Variants in GPRIN2 observed in about 807,000 individuals in gnomAD.
The protein encoded by GPRIN2 is G protein regulated inducer of neurite outgrowth 2.
A neutral mutation model predicts 0.3 loss-of-function variants in GPRIN2; 1 was observed. That is an observed-to-expected ratio of 3.90 (90% CI 1.39 to 18.51). GPRIN2 has a LOEUF of 18.51. Among genes scored for constraint, GPRIN2 ranks in the 30% most tolerant of loss-of-function variants. The pLI is 0.11. For synonymous variants in GPRIN2, 361 were observed against 258.6 expected, an observed-to-expected ratio of 1.40 and a Z score of -3.80; for missense variants, 880 against 604.2, an observed-to-expected ratio of 1.46 and a Z score of -4.79.
intron 2 of GPRIN2, among the ~76,000 whole-genome samples, 192 bp from the exon 3 acceptor site, chr10:46,550,934 A>C (rs1345683908): frequency 2.0e-5 from 3 of 152,312 alleles, no homozygotes; most frequent in Non-Finnish European, 4.4e-5. Context: ...GTCATCTCAC[A>C]TTAGACACAA....
chr10:46,557,209 T>C (rs1843347485), upstream of GPRIN2, among the ~76,000 whole-genome samples: 1 of 152,272 alleles, frequency 6.6e-6, no homozygotes, highest in Non-Finnish European at 1.5e-5. Context: ...CCAGGCCTGG[T>C]CTCCACTAGC....
rs1832969892 is a variant in GPRIN2 at position 46,544,864 on chromosome 10, G to A, written c.*4496C>T. On this transcript the variant is annotated 3_prime_UTR_variant, in exon 3 of 3. Coordinates refer to ENST00000374314, the MANE Select transcript of GPRIN2 (RefSeq NM_001385282.1). The stretch of plus-strand genomic sequence containing the variant: ...TTAAACTAATTTGCCCATGATGACC[G>A]TGTGGATTTGGAGGGACCTGGGAAT... Among the ~76,000 whole-genome samples the A allele has an allele frequency of 3.3e-5, 5 of 152,422 alleles. No individual in the cohort carries two copies. The highest frequency in any genetic ancestry group is 2.1e-4 in the South Asian group (1 of 4,834).
At chr10:46,552,562 C>A (rs900045751) in intron 2 of GPRIN2, among the ~76,000 whole-genome samples, 2 of 152,302 alleles carry the variant, frequency 1.3e-5, no homozygotes, top group African/African-American at 4.8e-5. Flanking sequence ...GGCTGCTGAG[C>A]CACAGTGAGG....
chr10:46,555,210 G>A (rs1322398725), intron 1 of GPRIN2, among the ~76,000 whole-genome samples: 3 of 152,422 alleles, frequency 2.0e-5, no homozygotes, highest in Middle Eastern at 3.4e-3. Context: ...GCCTCCCAAA[G>A]TGCTGGGATT....
At chr10:46,551,593 G>A (rs1832179220) in intron 2 of GPRIN2, 1 of 786,404 alleles carries the variant, frequency 1.3e-6, no homozygotes, top group Non-Finnish European at 1.5e-6. Flanking sequence ...CGGTGCAGCA[G>A]TGAGATAAGA....
At chr10:46,556,224 G>A (rs1472245196) in intron 1 of GPRIN2, among the ~76,000 whole-genome samples, 1 of 152,312 alleles carries the variant, frequency 6.6e-6, no homozygotes. Flanking sequence ...GGCAGCAGGG[G>A]TGGAGGCCGA....
In GPRIN2 at chr10:46,549,907, T is replaced by A. The variant is rs1832554145; in HGVS notation, c.830A>T (p.Lys277Met). 1.9e-6 allele frequency: 3 copies of A among 1,614,278 alleles called. No individual in the cohort carries two copies. The highest frequency in any genetic ancestry group is 1.7e-6 in the Non-Finnish European group (2 of 1,180,058). ...ESGLQAQHGVKIHCRLSGGLP... is the reference protein window; with the variant it reads ...ESGLQAQHGVMIHCRLSGGLP... ...CCCCCCAGACAACCTACAGTGGATC[T>A]TCACCCCATGCTGAGCCTGCAGCCC... Residue 277 changes from lysine to methionine, a missense_variant, in exon 3 of 3, where the codon AAG becomes ATG. Physicochemically the swap from Lys to Met is moderately conservative, Grantham distance 95. Coordinates refer to ENST00000374314, the MANE Select transcript of GPRIN2 (RefSeq NM_001385282.1).
intron 2 of GPRIN2, among the ~76,000 whole-genome samples, chr10:46,552,248 G>A (rs922628489): frequency 1.5e-4 from 23 of 152,402 alleles, no homozygotes; most frequent in Non-Finnish European, 4.4e-5. Flanking sequence ...TATGAGGGGA[G>A]CAGTGGGGTC....
rs1181121534 is a variant in GPRIN2 at position 46,541,844 on chromosome 10, ACTTC to A, written c.*7512_*7515del. Among the ~76,000 whole-genome samples the A allele has an allele frequency of 1.6e-4, 24 of 152,390 alleles. No individual in the cohort carries two copies. Among genetic ancestry groups the A allele is most frequent in the African/African-American group, 5.8e-4 (24 of 41,576 alleles). Reference sequence around the variant, plus strand: ...AAAAATTTCAATAAAGCAGCATCCGACTTCCTGCCCAGCTGTCCTACGGTATCCC... The same window carrying A: ...AAAAATTTCAATAAAGCAGCATCCGACTGCCCAGCTGTCCTACGGTATCCC... On this transcript the variant is annotated 3_prime_UTR_variant, in exon 3 of 3. Coordinates refer to ENST00000374314, the MANE Select transcript of GPRIN2 (RefSeq NM_001385282.1).
intron 2 of GPRIN2, among the ~76,000 whole-genome samples, chr10:46,553,891 G>C (rs1219932730): frequency 6.6e-6 from 1 of 152,306 alleles, no homozygotes; most frequent in Admixed American, 6.5e-5. Context: ...CTGGGGGAAA[G>C]AGGCTTCCAC....
intron 2 of GPRIN2, chr10:46,551,444 C>T (rs1842598787): frequency 1.0e-6 from 1 of 985,420 alleles, no homozygotes; most frequent in African/African-American, 1.7e-5. Flanking sequence ...GGAGAGGCCC[C>T]ATGCATCAGC....
rs1190206711 is a variant in GPRIN2, at chr10:46,549,285, G to A, written c.*75C>T. 33 of 1,436,104 alleles carry A rather than the reference G, an allele frequency of 2.3e-5. No individual in the cohort carries two copies. The highest frequency in any genetic ancestry group is 1.8e-4 in the South Asian group (12 of 65,688). 89.0% of individuals were successfully genotyped at this position (1,436,104 alleles called of 1,614,324 possible). Reference sequence around the variant, plus strand: ...AGCTGCCGGTGGGTCCAGGGGGCACGGAGCCCCCACCGTCCCTGGCCCAGG... The same window carrying A: ...AGCTGCCGGTGGGTCCAGGGGGCACAGAGCCCCCACCGTCCCTGGCCCAGG... On this transcript the variant is annotated 3_prime_UTR_variant, in exon 3 of 3. Transcript: ENST00000374314.
rs1832186305 is a variant in GPRIN2 at position 46,551,511 on chromosome 10, G to C, written c.-6-769C>G. ...TCATTGATTCCACAGCATCTCCTGA[G>C]CCCCTACTGCGTGCCCAGCTGTAGG... On this transcript the variant is annotated intron_variant, in intron 2 of 2. Coordinates refer to ENST00000374314, the MANE Select transcript of GPRIN2 (RefSeq NM_001385282.1). 99 of 985,314 alleles carry C rather than the reference G, an allele frequency of 1.0e-4. No homozygotes were observed. The African/African-American group carries it at 1.6e-3, about 16-fold the overall frequency. 61.0% of individuals were successfully genotyped at this position (985,314 alleles called of 1,614,324 possible). A position where few individuals can be genotyped will look rare whatever the true frequency, so the allele number is the denominator to read the frequency against.
At position 46,545,209 on chromosome 10, in the gene GPRIN2, C is replaced by G. The variant is rs1842050165; in HGVS notation, c.*4151G>C. Among the ~76,000 whole-genome samples, 1 of 152,308 alleles carries G rather than the reference C, an allele frequency of 6.6e-6. No individual in the cohort carries two copies. The highest frequency in any genetic ancestry group is 2.4e-5 in the African/African-American group (1 of 41,486). ...GGTGCACCCCCAGATGCCTGTGACT[C>G]CCTCTGGTGGTTTCTGTGCACAACT... On this transcript the variant is annotated 3_prime_UTR_variant, in exon 3 of 3. Transcript: ENST00000374314.
chr10:46,549,718 GC>G lies in GPRIN2; in HGVS notation c.1018del (p.Ala340ProfsTer27). 2 of 1,614,032 alleles carry G rather than the reference GC, an allele frequency of 1.2e-6. No homozygotes were observed. The highest frequency in any genetic ancestry group is 1.7e-6 in the Non-Finnish European group (2 of 1,179,942). On this transcript the variant is annotated frameshift_variant, in exon 3 of 3. Coordinates refer to ENST00000374314, the MANE Select transcript of GPRIN2 (RefSeq NM_001385282.1). LOFTEE classifies it low-confidence loss of function (END_TRUNC). ...LSAQDAGVQAAPVAACKAVAT... is the reference protein window; with the variant it reads ...LSAQDAGVQAXPVAACKAVAT... ...CACAGCCTTGCAGGCCGCCACTGGG[GC>G]CGCCTGCACACCAGCATCCTGGGCT...
chr10:46,553,882 T>C (rs995320625), intron 2 of GPRIN2, among the ~76,000 whole-genome samples: 1 of 152,306 alleles, frequency 6.6e-6, no homozygotes, highest in East Asian at 1.9e-4. Context: ...AGGGGAGTAC[T>C]GGGGGAAAGA....
Position 46,550,397 on chromosome 10 carries a change from C to T in GPRIN2, c.340G>A (p.Ala114Thr), listed in dbSNP as rs1832384814. The change falls in exon 3 of 3, where the codon GCT (alanine) becomes ACT (threonine). Residue 114 changes from alanine (A) to threonine (T), a missense_variant. Ala to Thr is a moderately conservative substitution (Grantham distance 58, BLOSUM62 0). Transcript: ENST00000374314. ...GAATGGCTCCTCTGCATAGCAGCAG[C>T]ACTAGGGGCCCGCAGGCGACACAGG... ...SDLCRLRAPS[A>T]AAMQRSHSDL... 8 of 1,611,862 alleles carry T rather than the reference C, an allele frequency of 5.0e-6. No homozygotes were observed. The African/African-American group carries it at 9.3e-5, about 19-fold the overall frequency.
At position 46,550,684 on chromosome 10, in the gene GPRIN2, AGGCGGG is replaced by A; in HGVS notation, c.47_52del (p.Pro16_Arg17del). ...GGAAGAGCTCTGGGACAGGGGCTGA[AGGCGGG>A]GGCTCAGGGGTGCCCAGGGACCCGG... On this transcript the variant is annotated inframe_deletion, in exon 3 of 3. Coordinates refer to ENST00000374314, the MANE Select transcript of GPRIN2 (RefSeq NM_001385282.1). 6.6e-7 allele frequency: 1 copy of A among 1,516,100 alleles called. No homozygotes were observed. Among genetic ancestry groups the A allele is most frequent in the Non-Finnish European group, 8.8e-7 (1 of 1,134,860 alleles). The allele number at this position is 1,516,100 out of a possible 1,614,324, so 93.9% of individuals were successfully genotyped here. A position where few individuals can be genotyped will look rare whatever the true frequency, so the allele number is the denominator to read the frequency against.
chr10:46,549,764 C>G lies in GPRIN2; in HGVS notation c.973G>C (p.Ala325Pro). The G allele has an allele frequency of 6.2e-7, 1 of 1,614,208 alleles. No individual in the cohort carries two copies. Residue 325 changes from alanine to proline, a missense_variant, in exon 3 of 3, where the codon GCA becomes CCA. Ala to Pro is a conservative substitution (Grantham distance 27). Coordinates refer to ENST00000374314, the MANE Select transcript of GPRIN2 (RefSeq NM_001385282.1). ...TGGGCTGACAGCGGGGATGCCTCTG[C>G]AGGGGCCAAGTCATTGGCTGAGGTC... ...TMTSANDLAPAEASPLSAQDA... is the reference protein window; with the variant it reads ...TMTSANDLAPPEASPLSAQDA...
Sources: allele counts gnomAD v4.1 joint callset (sites outside exome capture counted in the v4.1 genomes callset), GRCh38; gene constraint gnomAD v4.1.1; transcripts MANE v1.5; gene names NCBI Gene and HGNC (gene_info 2026-07-23, HGNC 2026-07-21).